The following NIPA1 variants were observed in gnomAD, a reference collection of about 807,000 sequenced individuals.
NIPA1 encodes the protein magnesium transporter NIPA1.
Under a neutral mutation model 23.9 loss-of-function variants are expected in NIPA1, and 13 were observed. The observed-to-expected ratio is 0.54, with a 90% CI of 0.35 to 0.87. The LOEUF is 0.87. Ranked by LOEUF, NIPA1 falls within the 40% of genes least tolerant of loss-of-function variation. NIPA1 has a pLI of 0.01. For synonymous variants in NIPA1, 234 were observed against 202.9 expected, an observed-to-expected ratio of 1.15 and a Z score of -1.30; for missense variants, 362 against 429.7, an observed-to-expected ratio of 0.84 and a Z score of 1.39.
intron 3 of NIPA1, among the ~76,000 whole-genome samples, chr15:22,817,457 C>T (rs1156424298): frequency 2.7e-5 from 4 of 147,752 alleles, no homozygotes; most frequent in African/African-American, 7.5e-5. Context: ...CGAGATCGGG[C>T]CATTGCACTC....
Position 22,824,376 on chromosome 15 carries a change from C to G in NIPA1, c.*137C>G, listed in dbSNP as rs556387170. The G allele has an allele frequency of 9.6e-6, 8 of 831,066 alleles. No individual in the cohort carries two copies. The highest frequency in any genetic ancestry group is 1.2e-5 in the Non-Finnish European group (6 of 497,394). 51.5% of individuals were successfully genotyped at this position (831,066 alleles called of 1,614,324 possible). On this transcript the variant is annotated 3_prime_UTR_variant, in exon 5 of 5. Transcript: ENST00000337435. The surrounding 1 kb of genome is among the most constrained non-coding windows in gnomAD (Gnocchi z 4.1). ...TAGTAACAGGTGGTCTGGTGGATAG[C>G]GGGGAGCATGGCTCAGCACCAGAGC...
intron 1 of NIPA1, among the ~76,000 whole-genome samples, chr15:22,787,144 GCTGA>G (rs1320837741): frequency 2.6e-5 from 4 of 152,010 alleles, no homozygotes; most frequent in Non-Finnish European, 5.9e-5. Context: ...GGCTTCCCCG[GCTGA>G]CTTTTTCCCT....
chr15:22,786,686 G>A lies in NIPA1; in HGVS notation c.30G>A (p.Ala10=), dbSNP rs1195938933. The A allele has an allele frequency of 4.6e-6, 5 of 1,097,604 alleles. No homozygotes were observed. Among genetic ancestry groups the A allele is most frequent in the Admixed American group, 4.6e-5 (1 of 21,510 alleles). The allele number at this position is 1,097,604 out of a possible 1,614,324, so 68.0% of individuals were successfully genotyped here. A position where few individuals can be genotyped will look rare whatever the true frequency, so the allele number is the denominator to read the frequency against. Residue 10 remains alanine, a synonymous_variant, in exon 1 of 5, where the codon GCG becomes GCA. Coordinates refer to ENST00000337435, the MANE Select transcript of NIPA1 (RefSeq NM_144599.5). The stretch of plus-strand genomic sequence containing the variant: ...GGACTGCAGCTGCGGCAGCGGCGGC[G>A]GCGGCGGCGGCGGCGGCCGGGGAGG... MGTAAAAAA[A]AAAAAAGEGA... is the part of the protein sequence containing the mutation.
At chr15:22,822,070 G>T (rs1311276248) in intron 4 of NIPA1, among the ~76,000 whole-genome samples, 1 of 152,114 alleles carries the variant, frequency 6.6e-6, no homozygotes, top group Admixed American at 6.5e-5. Context: ...TGACGTGGGG[G>T]TGTAATGTTA....
chr15:22,786,345 A>G (rs1012123557), upstream of NIPA1: 4 of 152,680 alleles, frequency 2.6e-5, no homozygotes, highest in African/African-American at 7.2e-5. Flanking sequence ...AGAGGACACC[A>G]CTCAGAAAGT....
intron 1 of NIPA1, among the ~76,000 whole-genome samples, chr15:22,788,820 G>A (rs1244438639): frequency 2.7e-5 from 4 of 147,808 alleles, no homozygotes; most frequent in Non-Finnish European, 4.5e-5. Flanking sequence ...TCGGGAGGCT[G>A]AGGCAGGAGA....
chr15:22,789,444 C>T (rs1214517409), intron 1 of NIPA1, among the ~76,000 whole-genome samples: 1 of 152,138 alleles, frequency 6.6e-6, no homozygotes, highest in Non-Finnish European at 1.5e-5. Context: ...CGGTCTGGAC[C>T]CAAGGTCCTT....
At position 22,825,249 on chromosome 15, in the gene NIPA1, GT is replaced by G. The variant is rs1211528355; in HGVS notation, c.*1011del. 1 of 152,180 alleles carries G rather than the reference GT, an allele frequency of 6.6e-6. No individual in the cohort carries two copies. Among genetic ancestry groups the G allele is most frequent in the African/African-American group, 2.4e-5 (1 of 41,432 alleles). 9.4% of individuals were successfully genotyped at this position (152,180 alleles called of 1,614,324 possible). On this transcript the variant is annotated 3_prime_UTR_variant, in exon 5 of 5. Coordinates refer to ENST00000337435, the MANE Select transcript of NIPA1 (RefSeq NM_144599.5). ...GCAGGCAATTGTAACACAGTGGTGAGTATTTGTGTTTACAAACATAGGAAAG... is the reference window on the plus strand; with the variant it reads ...GCAGGCAATTGTAACACAGTGGTGAGATTTGTGTTTACAAACATAGGAAAG...
chr15:22,796,459 G>T (rs1894939586), intron 1 of NIPA1, among the ~76,000 whole-genome samples: 2 of 151,604 alleles, frequency 1.3e-5, no homozygotes, highest in African/African-American at 2.4e-5. Flanking sequence ...TATATTTTCA[G>T]TTCTTTTTTT....
chr15:22,817,483 A>C (rs1895448947), intron 3 of NIPA1, among the ~76,000 whole-genome samples: 1 of 139,806 alleles, frequency 7.2e-6, no homozygotes, highest in Non-Finnish European at 1.5e-5. Flanking sequence ...TGGGCAACAA[A>C]AGCGAAACTC....
In NIPA1 at chr15:22,810,775, T is replaced by TG; in HGVS notation, c.207dup (p.Trp70ValfsTer75). On this transcript the variant is annotated frameshift_variant, in exon 2 of 5. Transcript: ENST00000337435. LOFTEE classifies it high-confidence loss of function. ...TACTTCCTATTTAACAGACATTGTG[T>TG]GGTGGGCTGGCACAATCGCAAGTAA... is the stretch of plus-strand genomic sequence containing the variant. The TG allele has an allele frequency of 6.2e-7, 1 of 1,611,182 alleles. No individual in the cohort carries two copies. The highest frequency in any genetic ancestry group is 8.5e-7 in the Non-Finnish European group (1 of 1,177,282).
rs1895601125 is a variant in NIPA1, at chr15:22,824,062, GGT to G, written c.814_815del (p.Val272ProfsTer53). ...AIYYVVFTTL[V>X]LLASAILFRE... ...TCTACTACGTCGTGTTTACCACGCT[GGT>G]CCTGCTGGCCTCAGCCATCCTCTTC... On this transcript the variant is annotated frameshift_variant, in exon 5 of 5. Coordinates refer to ENST00000337435, the MANE Select transcript of NIPA1 (RefSeq NM_144599.5). LOFTEE classifies it high-confidence loss of function. This position sits in a 1 kb window ranked among gnomAD's most constrained non-coding sequence, Gnocchi z 4.1. 6.2e-7 allele frequency: 1 copy of G among 1,614,010 alleles called. No homozygotes were observed. The highest frequency in any genetic ancestry group is 8.5e-7 in the Non-Finnish European group (1 of 1,179,986).
chr15:22,812,070 C>T lies in NIPA1; in HGVS notation c.227-93C>T, dbSNP rs74003090. The T allele has an allele frequency of 0.022, 21,788 of 976,514 alleles. 1,140 individuals are homozygous for T. Among genetic ancestry groups the T allele is most frequent in the African/African-American group, 0.18 (11,244 of 62,208 alleles). 60.5% of individuals were successfully genotyped at this position (976,514 alleles called of 1,614,324 possible). A position where few individuals can be genotyped will look rare whatever the true frequency, so the allele number is the denominator to read the frequency against. ...CACAAGTAATGTGAATGAAGTAGCCCTTTCAGGGCAGAGCCTAGCGTAATT... is the reference window on the plus strand; with the variant it reads ...CACAAGTAATGTGAATGAAGTAGCCTTTTCAGGGCAGAGCCTAGCGTAATT... On this transcript the variant is annotated intron_variant, in intron 2 of 4. Transcript: ENST00000337435.
intron 1 of NIPA1, among the ~76,000 whole-genome samples, chr15:22,791,926 A>T (rs1894838118): frequency 6.6e-6 from 1 of 152,152 alleles, no homozygotes; most frequent in Non-Finnish European, 1.5e-5. Context: ...CCTCTACAGC[A>T]TAGGCTCGGA....
intron 1 of NIPA1, among the ~76,000 whole-genome samples, chr15:22,803,194 T>C (rs1384281770): frequency 1.3e-5 from 2 of 152,086 alleles, no homozygotes; most frequent in East Asian, 3.9e-4. Context: ...TGACCGCGGG[T>C]GATCCACTCA....
chr15:22,790,826 G>T (rs997349520), intron 1 of NIPA1, among the ~76,000 whole-genome samples: 1 of 152,072 alleles, frequency 6.6e-6, no homozygotes, highest in Non-Finnish European at 1.5e-5. Context: ...CAGCAGAATT[G>T]ACCAGTATGA....
chr15:22,807,959 T>G (rs1445022415), intron 1 of NIPA1, among the ~76,000 whole-genome samples: 1 of 152,026 alleles, frequency 6.6e-6, no homozygotes, highest in Non-Finnish European at 1.5e-5. Context: ...AATTTTTTTT[T>G]GTATTTTTTT....
rs530999633 is a variant in NIPA1 at position 22,821,304 on chromosome 15, C to T, written c.478+831C>T. 9.8e-5 allele frequency among the ~76,000 whole-genome samples: 15 copies of T among 152,290 alleles called. 1 individual carries two copies. The highest frequency in any genetic ancestry group is 2.4e-4 in the African/African-American group (10 of 41,558). Reference sequence around the variant, plus strand: ...TAAATACACTAAAAACTACTATCTACGTGATTACAACAGACTTAAAGTATA... The same window carrying T: ...TAAATACACTAAAAACTACTATCTATGTGATTACAACAGACTTAAAGTATA... On this transcript the variant is annotated intron_variant, in intron 4 of 4. Transcript: ENST00000337435.
chr15:22,789,741 A>C (rs934670056), intron 1 of NIPA1, among the ~76,000 whole-genome samples: 4 of 152,136 alleles, frequency 2.6e-5, no homozygotes, highest in Non-Finnish European at 5.9e-5. Context: ...CAGAAGAAAG[A>C]ATTTGGCTGA....
Sources: gnomAD v4.1 joint callset for allele counts (sites outside exome capture counted in the v4.1 genomes callset) on GRCh38, gnomAD v4.1.1 for gene constraint, Gnocchi (gnomAD v3.1) non-coding constraint, MANE v1.5 for transcripts, NCBI Gene and HGNC (gene_info 2026-07-23, HGNC 2026-07-21) for gene names.